Variants in KCNB2 observed in about 807,000 individuals in gnomAD.
The protein encoded by KCNB2 is delayed rectifier potassium channel protein.
In KCNB2, 15 loss-of-function variants were observed where a neutral mutation model predicts 61.5. That is an observed-to-expected ratio of 0.24 (90% CI 0.16 to 0.38). KCNB2 has a LOEUF of 0.38. Among genes scored for constraint, KCNB2 ranks in the 10% least tolerant of loss-of-function variants. The pLI is 1.00. For missense variants in KCNB2, 828 were observed against 1,125.2 expected (o/e 0.74, Z 3.78); for synonymous variants, 457 against 446.0 (o/e 1.02, Z -0.31).
At chr8:72,547,278 A>C (rs187028) in intron 1 of KCNB2, among the ~76,000 whole-genome samples, 20 of 152,174 alleles carry the variant, frequency 1.3e-4, no homozygotes, top group South Asian at 2.1e-4. Context: ...TAATGTTTTC[A>C]TGCCTGCTAA....
At chr8:72,714,848 T>A (rs2128992167) in intron 2 of KCNB2, among the ~76,000 whole-genome samples, 3 of 152,234 alleles carry the variant, frequency 2.0e-5, no homozygotes, top group Admixed American at 2.0e-4. Flanking sequence ...ATGCTCCAAT[T>A]AAAAGGCACA....
intron 2 of KCNB2, among the ~76,000 whole-genome samples, chr8:72,615,004 C>T (rs1331379163): frequency 6.6e-6 from 1 of 152,162 alleles, no homozygotes; most frequent in East Asian, 1.9e-4. Flanking sequence ...AAGGAAGCAG[C>T]ATCAGTTCAC....
intron 2 of KCNB2, among the ~76,000 whole-genome samples, chr8:72,628,430 TGTGTGTGTGTGTGTGA>T (rs1406565762): frequency 0.02 from 2,877 of 145,988 alleles, 60 homozygotes; most frequent in African/African-American, 0.052. Context: ...TGTGTGTGTG[TGTGTGTGTGTGTGTGA>T]GATGCACTTA....
intron 2 of KCNB2, among the ~76,000 whole-genome samples, chr8:72,627,919 A>T (rs936145756): frequency 6.6e-6 from 1 of 151,918 alleles, no homozygotes; most frequent in Non-Finnish European, 1.5e-5. Context: ...TTATTAGATT[A>T]AAAAAAATGT....
At chr8:72,701,571 A>AT (rs796629527) in intron 2 of KCNB2, among the ~76,000 whole-genome samples, 6 of 152,032 alleles carry the variant, frequency 3.9e-5, no homozygotes, top group African/African-American at 1.4e-4. Flanking sequence ...CTCTACTTCC[A>AT]TTTTTTTCAT....
chr8:72,897,814 A>G (rs187580547), intron 2 of KCNB2, among the ~76,000 whole-genome samples: 175 of 152,310 alleles, frequency 1.1e-3, no homozygotes, highest in Admixed American at 2.7e-3. Context: ...ATTCTCATCC[A>G]TAAGAGAAAT....
chr8:72,867,188 G>A (rs1563409129), intron 2 of KCNB2, among the ~76,000 whole-genome samples: 1 of 151,918 alleles, frequency 6.6e-6, no homozygotes, highest in Non-Finnish European at 1.5e-5. Flanking sequence ...ATTTTAGACA[G>A]TATCTACACA....
intron 2 of KCNB2, among the ~76,000 whole-genome samples, chr8:72,684,649 G>A (rs1806820539): frequency 6.6e-6 from 1 of 152,114 alleles, no homozygotes; most frequent in South Asian, 2.1e-4. Context: ...CCCTAGTATA[G>A]TATATCCTGG....
At chr8:72,707,821 G>GT (rs1222153393) in intron 2 of KCNB2, among the ~76,000 whole-genome samples, 2 of 152,116 alleles carry the variant, frequency 1.3e-5, no homozygotes, top group Admixed American at 1.3e-4. Context: ...ATCAATTAAG[G>GT]TATCAGCCAG....
chr8:72,719,775 TAAAAC>T (rs756457346), intron 2 of KCNB2, among the ~76,000 whole-genome samples: 57 of 150,068 alleles, frequency 3.8e-4, no homozygotes, highest in African/African-American at 1.1e-3. Context: ...TTAAAAAAAA[TAAAAC>T]AAAACAAAAG....
chr8:72,681,896 A>G (rs1217221470), intron 2 of KCNB2, among the ~76,000 whole-genome samples: 1 of 152,212 alleles, frequency 6.6e-6, no homozygotes, highest in Non-Finnish European at 1.5e-5. Flanking sequence ...TCTGTTATGC[A>G]CCACATGACT....
At chr8:72,582,237 A>G (rs576387022) in intron 2 of KCNB2, among the ~76,000 whole-genome samples, 1 of 152,350 alleles carries the variant, frequency 6.6e-6, no homozygotes, top group South Asian at 2.1e-4. Context: ...ATGGAATCTT[A>G]TCTGCATGTG....
chr8:72,823,845 G>C (rs895828052), intron 2 of KCNB2, among the ~76,000 whole-genome samples: 3 of 152,106 alleles, frequency 2.0e-5, no homozygotes, highest in African/African-American at 7.2e-5. Flanking sequence ...CCAAAGCCCA[G>C]GTGTCCTGTC....
In KCNB2 at chr8:72,586,654, TCTTA is replaced by T. The variant is rs573920852; in HGVS notation, c.579+18345_579+18348del. 1.9e-4 allele frequency among the ~76,000 whole-genome samples: 29 copies of T among 152,210 alleles called. 1 individual carries two copies. Among genetic ancestry groups the T allele is most frequent in the Non-Finnish European group, 2.1e-4 (14 of 68,034 alleles). ...AATCCCCTGAGTTGGGTGCTCTCAT[TCTTA>T]CTTTTGAGGATGAAAAACTAAAGCT... is the stretch of plus-strand genomic sequence containing the variant. On this transcript the variant is annotated intron_variant, in intron 2 of 2. Transcript: ENST00000523207.
intron 2 of KCNB2, among the ~76,000 whole-genome samples, chr8:72,719,514 C>G (rs950684624): frequency 4.6e-5 from 7 of 152,034 alleles, no homozygotes; most frequent in African/African-American, 1.2e-4. Context: ...TAGGCACTTA[C>G]CAATTTAGTA....
chr8:72,733,491 TA>T (rs1807785270), intron 2 of KCNB2, among the ~76,000 whole-genome samples: 1 of 152,188 alleles, frequency 6.6e-6, no homozygotes, highest in African/African-American at 2.4e-5. Context: ...ACTCTACCAC[TA>T]ATTAAATATA....
chr8:72,828,837 G>A (rs945776095), intron 2 of KCNB2, among the ~76,000 whole-genome samples: 1 of 152,030 alleles, frequency 6.6e-6, no homozygotes, highest in Non-Finnish European at 1.5e-5. Flanking sequence ...TTCCCTTCTA[G>A]CACTCAAAGA....
chr8:72,647,459 CATTA>C (rs1215264328), intron 2 of KCNB2, among the ~76,000 whole-genome samples: 7 of 152,072 alleles, frequency 4.6e-5, no homozygotes, highest in Non-Finnish European at 8.8e-5. Flanking sequence ...TTTGCACATA[CATTA>C]ATTGAAATTC....
At chr8:72,778,159 A>G (rs770493881) in intron 2 of KCNB2, among the ~76,000 whole-genome samples, 6 of 152,228 alleles carry the variant, frequency 3.9e-5, no homozygotes, top group Non-Finnish European at 5.9e-5. Flanking sequence ...TTGCTGTGTG[A>G]TATTTATAAT....
Sources: allele counts gnomAD v4.1 joint callset (sites outside exome capture counted in the v4.1 genomes callset), GRCh38; gene constraint gnomAD v4.1.1; transcripts MANE v1.5; gene names NCBI Gene and HGNC (gene_info 2026-07-23, HGNC 2026-07-21).